ABHD12B: variants seen among roughly 807,000 people sequenced by gnomAD.
ABHD12B encodes abhydrolase domain containing 12B, also known as protein ABHD12B.
In ABHD12B, 42 loss-of-function variants were observed where a neutral mutation model predicts 50.4. The observed-to-expected ratio is 0.83, with a 90% confidence interval of 0.65 to 1.08. The LOEUF (loss-of-function observed/expected upper bound fraction) is 1.08, where lower values mean the gene tolerates loss of function less well. ABHD12B is among the 50% of genes least tolerant of loss of function. ABHD12B has a pLI of 0.00. For synonymous variants in ABHD12B, 167 were observed against 160.3 expected (o/e 1.04, Z -0.32); for missense variants, 479 against 447.7 (o/e 1.07, Z -0.63).
At chr14:50,892,872 G>T (rs1194152960) in intron 9 of ABHD12B, 1 of 152,128 alleles carries the variant, frequency 6.6e-6, no homozygotes, top group Non-Finnish European at 1.5e-5. Context: ...TAATATTATT[G>T]TGATTTCCTC....
At chr14:50,886,519 T>A in intron 7 of ABHD12B, 128 bp from the exon 8 acceptor site, 1 of 749,406 alleles carries the variant, frequency 1.3e-6, no homozygotes, top group Non-Finnish European at 2.2e-6. Flanking sequence ...TTAAATAGCG[T>A]GCAAATTTTG....
At chr14:50,901,424 C>G (rs1026185456) in intron 9 of ABHD12B, among the ~76,000 whole-genome samples, 1 of 152,176 alleles carries the variant, frequency 6.6e-6, no homozygotes, top group Non-Finnish European at 1.5e-5. Context: ...AATCAATTTT[C>G]TATGTATTGT....
chr14:50,877,224 GA>G (rs1401678170), intron 1 of ABHD12B, among the ~76,000 whole-genome samples: 3 of 151,954 alleles, frequency 2.0e-5, no homozygotes, highest in Admixed American at 2.0e-4. Flanking sequence ...TTCTTCCTAA[GA>G]TAAGTCCAGA....
chr14:50,903,247 A>G, intron 10 of ABHD12B, 142 bp from the exon 11 acceptor site: 1 of 550,748 alleles, frequency 1.8e-6, no homozygotes, highest in East Asian at 3.5e-5. Context: ...TAAATGTATG[A>G]TATTGTTATT....
chr14:50,892,775 A>AC (rs1213657757), intron 9 of ABHD12B: 1 of 211,462 alleles, frequency 4.7e-6, no homozygotes, highest in Non-Finnish European at 8.2e-6. Flanking sequence ...TAATTTATGT[A>AC]CTAAGGCATA....
At position 50,904,118 on chromosome 14, in the gene ABHD12B, C is replaced by T; in HGVS notation, c.987C>T (p.Val329=). The T allele has an allele frequency of 6.2e-7, 1 of 1,614,118 alleles. No homozygotes were observed. Among genetic ancestry groups the T allele is most frequent in the Non-Finnish European group, 8.5e-7 (1 of 1,179,990 alleles). ...ARNAYRNKER[V]KMVIFPPGFQ... The stretch of plus-strand genomic sequence containing the variant: ...ATGCATACAGGAACAAAGAGAGGGT[C>T]AAGATGGTTATCTTTCCTCCTGGCT... The change falls in exon 12 of 13, where the codon GTC becomes GTT. Residue 329 remains valine (V), a synonymous_variant. Transcript: ENST00000337334.
intron 9 of ABHD12B, chr14:50,892,382 C>G (rs72685323): frequency 0.14 from 140,003 of 983,842 alleles, 10,809 homozygotes; most frequent in East Asian, 0.44. Context: ...AGGACGTGAC[C>G]TCAGGCAAAG....
intron 2 of ABHD12B, among the ~76,000 whole-genome samples, 159 bp downstream of exon 2, chr14:50,878,238 G>T (rs1177701535): frequency 6.6e-6 from 1 of 152,166 alleles, no homozygotes; most frequent in Non-Finnish European, 1.5e-5. Flanking sequence ...TTGAAGTCTA[G>T]CAGGAATCCT....
At position 50,888,824 on chromosome 14, in the gene ABHD12B, G is replaced by T. The variant is rs776261439; in HGVS notation, c.701G>T (p.Gly234Val). 1 of 1,613,534 alleles carries T rather than the reference G, an allele frequency of 6.2e-7. No individual in the cohort carries two copies. The highest frequency in any genetic ancestry group is 1.7e-5 in the Admixed American group (1 of 59,968). ...TNAAKVLEEK[G>V]CPVDAIVLEA... ...CTTTCTTTCTTTCTTTCATTTCAAG[G>T]ATGCCCAGTTGATGCTATTGTCTTG... Residue 234 changes from glycine to valine, a missense_variant and splice_region_variant, in exon 9 of 13, where the codon GGA (glycine) becomes GTA (valine). Physicochemically the swap from Gly to Val is moderately radical, Grantham distance 109 (BLOSUM62 -3). Coordinates refer to ENST00000337334, the MANE Select transcript of ABHD12B (RefSeq NM_001206673.2).
intron 8 of ABHD12B, among the ~76,000 whole-genome samples, chr14:50,887,211 C>CAAAAA (rs59924695): frequency 2.3e-5 from 1 of 43,624 alleles, no homozygotes; most frequent in Non-Finnish European, 3.7e-5. Context: ...GAGTCTGTCT[C>CAAAAA]AAAAAAAAAA....
intron 9 of ABHD12B, among the ~76,000 whole-genome samples, chr14:50,894,655 T>C (rs555913418): frequency 2.6e-5 from 4 of 152,070 alleles, no homozygotes; most frequent in South Asian, 4.2e-4. Flanking sequence ...TAATTCTTGT[T>C]GTAAAATAGG....
chr14:50,877,677 G>A (rs1007605624), intron 1 of ABHD12B, among the ~76,000 whole-genome samples: 3 of 152,092 alleles, frequency 2.0e-5, no homozygotes, highest in Non-Finnish European at 4.4e-5. Flanking sequence ...GACCAGCCTG[G>A]CCAACATGGT....
intron 2 of ABHD12B, 69 bp downstream of exon 2, chr14:50,878,148 G>A: frequency 7.7e-7 from 1 of 1,305,486 alleles, no homozygotes; most frequent in Non-Finnish European, 1.0e-6. Flanking sequence ...TACCCTTAAA[G>A]TTGTGACGTA....
rs1246798610 is a variant in ABHD12B at position 50,872,225 on chromosome 14, C to T, written c.51C>T (p.Pro17=). 5 of 1,391,556 alleles carry T rather than the reference C, an allele frequency of 3.6e-6. No individual in the cohort carries two copies. The highest frequency in any genetic ancestry group is 4.7e-6 in the Non-Finnish European group (5 of 1,069,714). 86.2% of individuals were successfully genotyped at this position (1,391,556 alleles called of 1,614,324 possible). The change falls in exon 1 of 13, where the codon CCC becomes CCT. Residue 17 remains proline (P), a synonymous_variant. Coordinates refer to ENST00000337334, the MANE Select transcript of ABHD12B (RefSeq NM_001206673.2). ...CCGCATCGCCCGAGCCGCCCGGGCCCCCAGCCCGTAGCTGCGTGGCCGCCT... is the reference window on the plus strand; with the variant it reads ...CCGCATCGCCCGAGCCGCCCGGGCCTCCAGCCCGTAGCTGCGTGGCCGCCT... ...QAAASPEPPG[P]PARSCVAAWW...
In ABHD12B at chr14:50,881,675, A is replaced by G. The variant is rs750799428; in HGVS notation, c.486+49A>G. ...CACCCATTTCATAAGTCTGTTTGAT[A>G]TGTCATAAGATTTTCCTCAGGCCCT... On this transcript the variant is annotated intron_variant, in intron 5 of 12. Transcript: ENST00000337334. 1.9e-6 allele frequency: 3 copies of G among 1,605,828 alleles called. No homozygotes were observed. In the East Asian group the frequency reaches 6.7e-5, roughly 36 times the overall value.
rs185342763 is a variant in ABHD12B, at chr14:50,904,818, T to C, written c.*452T>C. The C allele has an allele frequency of 4.2e-4, 99 of 233,092 alleles. No homozygotes were observed. The Admixed American group carries it at 4.8e-3, about 11-fold the overall frequency. 14.4% of individuals were successfully genotyped at this position (233,092 alleles called of 1,614,324 possible). A position where few individuals can be genotyped will look rare whatever the true frequency, so the allele number is the denominator to read the frequency against. On this transcript the variant is annotated 3_prime_UTR_variant, in exon 13 of 13. Transcript: ENST00000337334. Reference sequence around the variant, plus strand: ...TTATAAATTATGACCAAAAGAGCTCTTCACTCCTCCTACCATTTGAGGATA... The same window carrying C: ...TTATAAATTATGACCAAAAGAGCTCCTCACTCCTCCTACCATTTGAGGATA...
chr14:50,877,556 G>C (rs2049879338), intron 1 of ABHD12B, among the ~76,000 whole-genome samples: 1 of 152,142 alleles, frequency 6.6e-6, no homozygotes, highest in Non-Finnish European at 1.5e-5. Context: ...CTGCCGTGTA[G>C]ATAATTCCTT....
chr14:50,897,455 TCTTGA>T (rs1250230785), intron 9 of ABHD12B, among the ~76,000 whole-genome samples: 9 of 152,362 alleles, frequency 5.9e-5, no homozygotes, highest in Admixed American at 1.3e-4. Context: ...CAATATTGCT[TCTTGA>T]CTTAAAGTCA....
intron 4 of ABHD12B, 77 bp downstream of exon 4, chr14:50,880,648 G>C: frequency 7.0e-7 from 1 of 1,420,436 alleles, no homozygotes; most frequent in South Asian, 1.7e-5. Flanking sequence ...GAAGGACAGG[G>C]CTCTGTTTTT....
Sources: gnomAD v4.1 joint callset for allele counts (sites outside exome capture counted in the v4.1 genomes callset) on GRCh38, gnomAD v4.1.1 for gene constraint, MANE v1.5 for transcripts, NCBI Gene and HGNC (gene_info 2026-07-23, HGNC 2026-07-21) for gene names.